Variants in PRRX1 observed in about 807,000 individuals in gnomAD.
The protein encoded by PRRX1 is paired mesoderm homeobox protein 1.
A neutral mutation model predicts 24.0 loss-of-function variants in PRRX1; 8 were observed. That is an observed-to-expected ratio of 0.33 (90% confidence interval 0.20 to 0.60). The LOEUF (loss-of-function observed/expected upper bound fraction) is 0.60. Ranked by LOEUF, PRRX1 falls within the 20% of genes least tolerant of loss-of-function variation. PRRX1 has a pLI of 0.82. For synonymous variants in PRRX1, 160 were observed against 131.7 expected (o/e 1.22, Z -1.47); for missense variants, 281 against 322.4 (o/e 0.87, Z 0.98).
intron 1 of PRRX1, among the ~76,000 whole-genome samples, chr1:170,669,760 G>T (rs1338519380): frequency 1.3e-5 from 2 of 151,906 alleles, no homozygotes; most frequent in East Asian, 3.9e-4. Flanking sequence ...GCCTGTGCCT[G>T]CATTGCGACC....
chr1:170,705,277 T>G (rs545922731), intron 1 of PRRX1, among the ~76,000 whole-genome samples: 6 of 152,284 alleles, frequency 3.9e-5, no homozygotes, highest in African/African-American at 1.4e-4. Context: ...TATTTAAATT[T>G]TAGACATTAT....
At chr1:170,664,523 G>C in intron 1 of PRRX1, 64 bp downstream of exon 1, 2 of 1,538,416 alleles carry the variant, frequency 1.3e-6, no homozygotes, top group African/African-American at 1.4e-5. Flanking sequence ...ACCCGTGTAG[G>C]GCAGCTAGAG....
intron 3 of PRRX1, among the ~76,000 whole-genome samples, chr1:170,734,570 A>G (rs1003285972): frequency 3.3e-5 from 5 of 152,176 alleles, no homozygotes; most frequent in Admixed American, 1.3e-4. Flanking sequence ...AATGATGAGT[A>G]AGAGTTAAGC....
chr1:170,725,345 T>C (rs567850493), intron 2 of PRRX1, among the ~76,000 whole-genome samples: 7 of 152,338 alleles, frequency 4.6e-5, no homozygotes, highest in Admixed American at 2.0e-4. Flanking sequence ...TTGTAGCAAA[T>C]GCTGTCAGTG....
chr1:170,689,041 T>C (rs1317093245), intron 1 of PRRX1, among the ~76,000 whole-genome samples: 1 of 152,182 alleles, frequency 6.6e-6, no homozygotes, highest in Admixed American at 6.5e-5. Context: ...TGAGACTTTT[T>C]CTTCAGGAAT....
chr1:170,728,601 A>C (rs574034712), intron 3 of PRRX1: 1 of 152,352 alleles, frequency 6.6e-6, no homozygotes, highest in South Asian at 2.1e-4. Context: ...TGTAAAAATT[A>C]ATTTAGAAAA....
intron 1 of PRRX1, among the ~76,000 whole-genome samples, chr1:170,687,260 A>G (rs1653776817): frequency 6.6e-6 from 1 of 152,142 alleles, no homozygotes; most frequent in African/African-American, 2.4e-5. Context: ...TGCATTGCAC[A>G]TTTACAGTCT....
chr1:170,702,855 G>A (rs1654434916), intron 1 of PRRX1, among the ~76,000 whole-genome samples: 1 of 152,148 alleles, frequency 6.6e-6, no homozygotes, highest in African/African-American at 2.4e-5. Context: ...TTACGATGTT[G>A]GGTGAAATGG....
In PRRX1 at chr1:170,736,298, A is replaced by C; in HGVS notation, c.*112A>C. 1 of 1,393,888 alleles carries C rather than the reference A, an allele frequency of 7.2e-7. No individual in the cohort carries two copies. Among genetic ancestry groups the C allele is most frequent in the Non-Finnish European group, 9.9e-7 (1 of 1,005,848 alleles). 86.3% of individuals were successfully genotyped at this position (1,393,888 alleles called of 1,614,324 possible). ...GGAAAAAGTAAATTACAAACAAACA[A>C]ACAAAGCAGAACTAAAATATTGGGA... On this transcript the variant is annotated 3_prime_UTR_variant, in exon 4 of 4. Coordinates refer to ENST00000239461, the MANE Select transcript of PRRX1 (RefSeq NM_022716.4).
In PRRX1 at chr1:170,719,814, G is replaced by A. The variant is rs774611100; in HGVS notation, c.330G>A (p.Glu110=). 8 of 1,614,236 alleles carry A rather than the reference G, an allele frequency of 5.0e-6. No individual in the cohort carries two copies. The highest frequency in any genetic ancestry group is 6.8e-6 in the Non-Finnish European group (8 of 1,180,048). Residue 110 remains glutamate (E), a synonymous_variant, in exon 2 of 4, where the codon GAG becomes GAA. Coordinates refer to ENST00000239461, the MANE Select transcript of PRRX1 (RefSeq NM_022716.4). The stretch of plus-strand genomic sequence containing the variant: ...ATAGCAGCCAGCTGCAGGCTTTGGA[G>A]CGTGTCTTTGAGCGGACACACTATC... ...TFNSSQLQAL[E]RVFERTHYPD...
At chr1:170,683,435 C>T (rs1042490364) in intron 1 of PRRX1, among the ~76,000 whole-genome samples, 2 of 152,144 alleles carry the variant, frequency 1.3e-5, no homozygotes, top group Admixed American at 6.5e-5. Context: ...GGAGGACTGA[C>T]CTAGGACATT....
intron 1 of PRRX1, among the ~76,000 whole-genome samples, chr1:170,664,682 G>C (rs1652853075): frequency 6.6e-6 from 1 of 152,238 alleles, no homozygotes; most frequent in Admixed American, 6.5e-5. Flanking sequence ...GAGGCTCCAA[G>C]GTCCGGGGAC....
intron 1 of PRRX1, among the ~76,000 whole-genome samples, chr1:170,710,635 CCCCAG>C (rs1654715352): frequency 6.6e-6 from 1 of 152,102 alleles, no homozygotes; most frequent in African/African-American, 2.4e-5. Flanking sequence ...AATCCGTAAC[CCCCAG>C]TGTGACACTA....
intron 1 of PRRX1, among the ~76,000 whole-genome samples, chr1:170,714,328 T>C (rs1654839799): frequency 6.6e-6 from 1 of 152,216 alleles, no homozygotes; most frequent in South Asian, 2.1e-4. Context: ...TGTTGTGCAA[T>C]ATAAGTTCCT....
At chr1:170,668,027 T>G (rs1020731164) in intron 1 of PRRX1, 12 of 152,154 alleles carry the variant, frequency 7.9e-5, no homozygotes, top group Admixed American at 2.0e-4. Context: ...TGGTTGATAT[T>G]CACTACACTG....
At chr1:170,675,092 C>A (rs541444419) in intron 1 of PRRX1, among the ~76,000 whole-genome samples, 15 of 152,210 alleles carry the variant, frequency 9.9e-5, no homozygotes, top group Non-Finnish European at 1.9e-4. Flanking sequence ...AACAAACATG[C>A]ACCACACTAA....
chr1:170,702,925 C>T (rs1005489539), intron 1 of PRRX1, among the ~76,000 whole-genome samples: 1 of 152,158 alleles, frequency 6.6e-6, no homozygotes, highest in Non-Finnish European at 1.5e-5. Flanking sequence ...TAGATTAATG[C>T]TCCCACTATT....
rs371263166 is a variant in PRRX1, at chr1:170,700,124, AT to A, written c.242-19594del. 2.6e-3 allele frequency among the ~76,000 whole-genome samples: 392 copies of A among 152,106 alleles called. 2 individuals are homozygous for A. The highest frequency in any genetic ancestry group is 8.4e-3 in the African/African-American group (349 of 41,496). On this transcript the variant is annotated intron_variant, in intron 1 of 3. Transcript: ENST00000239461. The stretch of plus-strand genomic sequence containing the variant: ...AAATGTCCTATGGCCTCCTATGGCC[AT>A]TTTTTTTAAGCAAATGAAACACCAT...
rs1654619617 is a variant in PRRX1 at position 170,707,972 on chromosome 1, G to A, written c.242-11754G>A. ...TGCCAAGGAAGAGAATGACCCAGAT[G>A]GTGATTAAAGAGTCATTGTCCTTCC... On this transcript the variant is annotated intron_variant, in intron 1 of 3. Transcript: ENST00000239461. Among the ~76,000 whole-genome samples the A allele has an allele frequency of 2.0e-5, 3 of 152,270 alleles. No homozygotes were observed. The South Asian group carries it at 6.2e-4, about 32-fold the overall frequency.
Sources: allele counts gnomAD v4.1 joint callset (sites outside exome capture counted in the v4.1 genomes callset), GRCh38; gene constraint gnomAD v4.1.1; transcripts MANE v1.5; gene names NCBI Gene and HGNC (gene_info 2026-07-23, HGNC 2026-07-21).